Variants in CCDC149 observed in about 807,000 individuals in gnomAD.
CCDC149 encodes the protein coiled-coil domain containing 149.
Under a neutral mutation model 59.9 loss-of-function variants are expected in CCDC149, and 45 were observed. The observed-to-expected ratio is 0.75, with a 90% confidence interval of 0.59 to 0.96. CCDC149 has a LOEUF of 0.96. Among genes scored for constraint, CCDC149 ranks in the 40% least tolerant of loss-of-function variants. The probability of loss-of-function intolerance (pLI) is 0.00; values close to 1 mark genes in which losing one functional copy is unlikely to be tolerated. For synonymous variants in CCDC149, 245 were observed against 260.6 expected (o/e 0.94, Z 0.58); for missense variants, 584 against 664.7 (o/e 0.88, Z 1.33).
At chr4:24,811,902 CA>C (rs1174990708) in intron 12 of CCDC149, among the ~76,000 whole-genome samples, 1 of 151,574 alleles carries the variant, frequency 6.6e-6, no homozygotes, top group African/African-American at 2.4e-5. Flanking sequence ...TTCACTGGGC[CA>C]AAACCAGGGT....
chr4:24,944,125 C>G (rs1723034672), intron 1 of CCDC149, among the ~76,000 whole-genome samples: 1 of 152,108 alleles, frequency 6.6e-6, no homozygotes, highest in Non-Finnish European at 1.5e-5. Flanking sequence ...GCACTATTCA[C>G]AATAACAAAG....
chr4:24,916,297 C>T (rs1025508633), upstream of CCDC149, among the ~76,000 whole-genome samples: 3 of 152,104 alleles, frequency 2.0e-5, no homozygotes, highest in African/African-American at 7.2e-5. Flanking sequence ...ATGCTTTTCA[C>T]TTTTAAAAGT....
At chr4:24,890,373 T>C (rs750700566) in intron 1 of CCDC149, among the ~76,000 whole-genome samples, 6 of 152,170 alleles carry the variant, frequency 3.9e-5, no homozygotes, top group African/African-American at 7.2e-5. Flanking sequence ...AAAAAAATTA[T>C]GAAGCTTGTA....
intron 4 of CCDC149, among the ~76,000 whole-genome samples, chr4:24,847,543 C>T (rs1324514585): frequency 6.6e-6 from 1 of 152,168 alleles, no homozygotes; most frequent in Non-Finnish European, 1.5e-5. Context: ...TTTGATGTGT[C>T]CTCAGATGCT....
At chr4:24,921,959 A>G (rs1267399124) in intron 1 of CCDC149, among the ~76,000 whole-genome samples, 1 of 152,172 alleles carries the variant, frequency 6.6e-6, no homozygotes, top group Admixed American at 6.5e-5. Context: ...AGTTCTGGAG[A>G]CTAGAAATCT....
At chr4:24,926,478 A>AC (rs1486331790) in intron 1 of CCDC149, among the ~76,000 whole-genome samples, 1 of 152,030 alleles carries the variant, frequency 6.6e-6, no homozygotes, top group Non-Finnish European at 1.5e-5. Flanking sequence ...AGCTTGTCCT[A>AC]CCTTCCCTCA....
chr4:24,862,709 C>A (rs371573101), intron 3 of CCDC149, among the ~76,000 whole-genome samples: 1 of 152,116 alleles, frequency 6.6e-6, no homozygotes, highest in Non-Finnish European at 1.5e-5. Context: ...ACCAAAATAA[C>A]CCTTATCTTT....
At chr4:24,880,091 T>C (rs1487536657) in intron 1 of CCDC149, among the ~76,000 whole-genome samples, 2 of 152,220 alleles carry the variant, frequency 1.3e-5, no homozygotes, top group Non-Finnish European at 2.9e-5. Context: ...AAAAATCTTA[T>C]ACAGTCATGT....
chr4:24,863,421 G>A (rs998385645), intron 3 of CCDC149, among the ~76,000 whole-genome samples: 2 of 152,200 alleles, frequency 1.3e-5, no homozygotes, highest in East Asian at 1.9e-4. Context: ...AAATATTTCA[G>A]ACCAGTAGCC....
Position 24,876,340 on chromosome 4 carries a change from C to CAG in CCDC149, c.225+194_225+195dup, listed in dbSNP as rs369314730. ...ACACACACACACACACACACACACACAGAGAGAGAGAGAGAGATTAACTTG... is the reference window on the plus strand; with the variant it reads ...ACACACACACACACACACACACACACAGAGAGAGAGAGAGAGAGATTAACTTG... On this transcript the variant is annotated intron_variant, in intron 2 of 12. Coordinates refer to ENST00000635206, the MANE Select transcript of CCDC149 (RefSeq NM_001330643.2). Among the ~76,000 whole-genome samples, 521 of 103,096 alleles carry CAG rather than the reference C, an allele frequency of 5.1e-3. 8 individuals are homozygous for CAG. The highest frequency in any genetic ancestry group is 0.016 in the South Asian group (55 of 3,440). The allele number at this position is 103,096 out of a possible 152,430, so 67.6% of individuals were successfully genotyped here.
intron 1 of CCDC149, among the ~76,000 whole-genome samples, chr4:24,967,318 G>A (rs573014782): frequency 5.3e-5 from 8 of 152,278 alleles, no homozygotes; most frequent in African/African-American, 1.4e-4. Context: ...AGCTGGAGGA[G>A]GTGCAGAAAA....
At chr4:24,805,505 C>T (rs1285556705), downstream of CCDC149, among the ~76,000 whole-genome samples, 1 of 152,246 alleles carries the variant, frequency 6.6e-6, no homozygotes, top group East Asian at 1.9e-4. Flanking sequence ...TCCCAACTCT[C>T]TTACACATCC....
chr4:24,857,662 T>A (rs115659351), intron 3 of CCDC149, among the ~76,000 whole-genome samples: 1 of 152,198 alleles, frequency 6.6e-6, no homozygotes, highest in Non-Finnish European at 1.5e-5. Flanking sequence ...GACCTAGTGA[T>A]GTGATTATTG....
chr4:24,849,307 G>A (rs770033799), intron 4 of CCDC149, among the ~76,000 whole-genome samples: 35 of 152,144 alleles, frequency 2.3e-4, no homozygotes, highest in Admixed American at 3.3e-4. Context: ...CCTTTTCCCA[G>A]AGGGCTCCTC....
intron 1 of CCDC149, among the ~76,000 whole-genome samples, chr4:24,906,526 G>A (rs1227007029): frequency 6.6e-6 from 1 of 151,766 alleles, no homozygotes; most frequent in Non-Finnish European, 1.5e-5. Flanking sequence ...GGCCTCCCGA[G>A]TAGCTGGGAT....
At chr4:24,893,893 AC>A (rs1173781713) in intron 1 of CCDC149, among the ~76,000 whole-genome samples, 1 of 152,104 alleles carries the variant, frequency 6.6e-6, no homozygotes, top group Non-Finnish European at 1.5e-5. Context: ...GGTATGAGCC[AC>A]CACGCCCAGG....
chr4:24,967,180 C>T (rs888073523), intron 1 of CCDC149, among the ~76,000 whole-genome samples: 5 of 152,110 alleles, frequency 3.3e-5, no homozygotes, highest in Admixed American at 6.5e-5. Flanking sequence ...CCAGGGAATT[C>T]GGACTGAGTG....
At chr4:24,949,232 A>G (rs936429242) in intron 1 of CCDC149, among the ~76,000 whole-genome samples, 9 of 152,166 alleles carry the variant, frequency 5.9e-5, no homozygotes, top group African/African-American at 1.9e-4. Context: ...GAAATGTGGC[A>G]TCTCTTTCCT....
At chr4:24,826,477 CCTGTGGGAGAT>C (rs1156805278) in intron 9 of CCDC149, among the ~76,000 whole-genome samples, 4 of 152,060 alleles carry the variant, frequency 2.6e-5, no homozygotes, top group African/African-American at 7.2e-5. Flanking sequence ...GCTTGAGATG[CCTGTGGGAGAT>C]CTGTGCAGAC....
Sources: allele counts gnomAD v4.1 joint callset (sites outside exome capture counted in the v4.1 genomes callset), GRCh38; gene constraint gnomAD v4.1.1; transcripts MANE v1.5; gene names NCBI Gene and HGNC (gene_info 2026-07-23, HGNC 2026-07-21).